The following BAZ2B variants were observed in gnomAD, a reference collection of about 807,000 sequenced individuals.
The protein encoded by BAZ2B is bromodomain adjacent to zinc finger domain 2B.
Under a neutral mutation model 246.0 loss-of-function variants are expected in BAZ2B, and 91 were observed. The observed-to-expected ratio is 0.37, with a 90% CI of 0.31 to 0.44. The LOEUF is 0.44. Among genes scored for constraint, BAZ2B ranks in the 20% least tolerant of loss-of-function variants. BAZ2B has a pLI of 1.00. For missense variants in BAZ2B, 2,332 were observed against 2,533.7 expected (o/e 0.92, Z 1.71); for synonymous variants, 855 against 860.0 (o/e 0.99, Z 0.10).
Position 159,367,887 on chromosome 2 carries a change from C to CA in BAZ2B, c.4213+5157dup, listed in dbSNP as rs887635040. Among the ~76,000 whole-genome samples the CA allele has an allele frequency of 1.0e-4, 15 of 145,322 alleles. No individual in the cohort carries two copies. The South Asian group carries it at 1.1e-3, about 11-fold the overall frequency. On this transcript the variant is annotated intron_variant, in intron 27 of 36. Coordinates refer to ENST00000392783, the MANE Select transcript of BAZ2B (RefSeq NM_013450.4). ...TGGGAGATAGAGTGAGAATCTGTCT[C>CA]AAAAAAAAAAGTAATAAATAAGATG...
In BAZ2B at chr2:159,594,761, G is replaced by C. The variant is rs748097272; in HGVS notation, c.-46+21481C>G. ...ATCCTCCCAGCTCAGTCTCCCAAGCGGCTGGGACTACAGGCGCGTGCCAAC... is the reference window on the plus strand; with the variant it reads ...ATCCTCCCAGCTCAGTCTCCCAAGCCGCTGGGACTACAGGCGCGTGCCAAC... On this transcript the variant is annotated intron_variant, in intron 1 of 36. Coordinates refer to ENST00000392783, the MANE Select transcript of BAZ2B (RefSeq NM_013450.4). Among the ~76,000 whole-genome samples, 130 of 151,916 alleles carry C rather than the reference G, an allele frequency of 8.6e-4. No individual in the cohort carries two copies. In the Middle Eastern group the frequency reaches 0.014, roughly 16 times the overall value.
the BAZ2B span, among the ~76,000 whole-genome samples, chr2:159,709,281 T>C: frequency 1.3e-5 from 2 of 151,044 alleles, no homozygotes; most frequent in East Asian, 3.9e-4. Flanking sequence ...ATGATAGTTA[T>C]CAGAGGCTGG....
chr2:159,586,535 G>A (rs1469191653), intron 1 of BAZ2B, among the ~76,000 whole-genome samples: 1 of 151,950 alleles, frequency 6.6e-6, no homozygotes, highest in Non-Finnish European at 1.5e-5. Context: ...AAAAATTTAA[G>A]GAAGACCAAT....
intron 1 of BAZ2B, among the ~76,000 whole-genome samples, chr2:159,611,008 A>G (rs1694608574): frequency 6.6e-6 from 1 of 152,034 alleles, no homozygotes; most frequent in South Asian, 2.1e-4. Flanking sequence ...GTTTTCAATA[A>G]ACATGTGGCC....
chr2:159,687,706 T>A, the BAZ2B span, among the ~76,000 whole-genome samples: 1 of 152,210 alleles, frequency 6.6e-6, no homozygotes, highest in East Asian at 1.9e-4. Flanking sequence ...TTATAATAAA[T>A]CGTTGAACAT....
At chr2:159,409,092 A>G (rs1422853664) in intron 14 of BAZ2B, among the ~76,000 whole-genome samples, 1 of 151,864 alleles carries the variant, frequency 6.6e-6, no homozygotes, top group Non-Finnish European at 1.5e-5. Flanking sequence ...CTTTTGAAAT[A>G]CTAATTTGGA....
At chr2:159,564,772 CAAGT>C (rs2090201144) in intron 1 of BAZ2B, among the ~76,000 whole-genome samples, 3 of 152,022 alleles carry the variant, frequency 2.0e-5, no homozygotes, top group South Asian at 4.1e-4. Context: ...GTTAAGTACT[CAAGT>C]AAAGAGTTTC....
chr2:159,475,266 T>C (rs530170882), intron 3 of BAZ2B, among the ~76,000 whole-genome samples: 43 of 152,310 alleles, frequency 2.8e-4, no homozygotes, highest in South Asian at 2.5e-3. Flanking sequence ...CATTGTTTTT[T>C]CTCTAATCTT....
the BAZ2B span, among the ~76,000 whole-genome samples, chr2:159,662,495 T>C: frequency 2.6e-5 from 4 of 152,156 alleles, no homozygotes; most frequent in African/African-American, 9.7e-5. Context: ...ACATTCTCAC[T>C]GGTTCTTGTT....
chr2:159,471,341 T>C (rs1345943496), intron 3 of BAZ2B, among the ~76,000 whole-genome samples: 1 of 152,096 alleles, frequency 6.6e-6, no homozygotes, highest in Non-Finnish European at 1.5e-5. Context: ...GTGGCTCACA[T>C]CTGTAATCCC....
rs374045370 is a variant in BAZ2B at position 159,386,472 on chromosome 2, G to A, written c.3352C>T (p.Leu1118=). 3.8e-5 allele frequency: 62 copies of A among 1,613,338 alleles called. No homozygotes were observed. The highest frequency in any genetic ancestry group is 2.7e-4 in the Admixed American group (16 of 59,912). The change falls in exon 22 of 37, where the codon CTG becomes TTG. Residue 1118 remains leucine, a synonymous_variant. Transcript: ENST00000392783. The stretch of plus-strand genomic sequence containing the variant: ...AGCAATCCCTCTTGAAGAACACTCA[G>A]GTTTGGAACATCAATATTCACATCA... ...GFDVNIDVPN[L]SVLQEGLLNI... is the part of the protein sequence containing the mutation.
chr2:159,662,714 T>C, the BAZ2B span, among the ~76,000 whole-genome samples: 4 of 151,840 alleles, frequency 2.6e-5, no homozygotes, highest in Admixed American at 6.6e-5. Context: ...GTATTTTTAG[T>C]AGACATGGGG....
At chr2:159,457,943 A>T (rs2075975998) in intron 3 of BAZ2B, among the ~76,000 whole-genome samples, 1 of 152,010 alleles carries the variant, frequency 6.6e-6, no homozygotes, top group Non-Finnish European at 1.5e-5. Flanking sequence ...TAATTCCTAG[A>T]TCCCTCTAAT....
chr2:159,466,819 A>AT (rs908999084), intron 3 of BAZ2B, among the ~76,000 whole-genome samples: 155 of 151,942 alleles, frequency 1.0e-3, no homozygotes, highest in African/African-American at 3.5e-3. Context: ...CTCTTCCTCC[A>AT]TTTTTTTTCT....
chr2:159,336,876 T>C, intron 33 of BAZ2B, 66 bp downstream of exon 33: 10 of 1,341,708 alleles, frequency 7.5e-6, no homozygotes, highest in Non-Finnish European at 1.0e-5. Flanking sequence ...TTAAGAAAGA[T>C]CTGGAGGTTG....
chr2:159,474,014 G>A (rs890270730), intron 3 of BAZ2B, among the ~76,000 whole-genome samples: 6 of 152,146 alleles, frequency 3.9e-5, no homozygotes, highest in Non-Finnish European at 8.8e-5. Flanking sequence ...GTGAGACGTG[G>A]TGCTAAGAAG....
intron 6 of BAZ2B, among the ~76,000 whole-genome samples, chr2:159,445,720 T>C (rs2074134251): frequency 6.6e-6 from 1 of 152,174 alleles, no homozygotes; most frequent in Admixed American, 6.5e-5. Flanking sequence ...TGACCACCAC[T>C]GGATCTCCTG....
the BAZ2B span, chr2:159,710,946 T>C: frequency 6.6e-6 from 1 of 152,208 alleles, no homozygotes; most frequent in Admixed American, 6.5e-5. Flanking sequence ...GGTTTAGACA[T>C]GGAATGTAAT....
the BAZ2B span, among the ~76,000 whole-genome samples, chr2:159,658,120 A>G: frequency 6.6e-6 from 1 of 152,164 alleles, no homozygotes; most frequent in Non-Finnish European, 1.5e-5. Flanking sequence ...TCAGTTTGAA[A>G]AAGATTTTTG....
Sources: allele counts gnomAD v4.1 joint callset (sites outside exome capture counted in the v4.1 genomes callset), GRCh38; gene constraint gnomAD v4.1.1; transcripts MANE v1.5; gene names NCBI Gene and HGNC (gene_info 2026-07-23, HGNC 2026-07-21).